Variants in THOC5 observed in about 807,000 individuals in gnomAD.
THOC5 encodes the protein Fms-interacting protein.
THOC5 carries 43 observed loss-of-function variants against 92.9 expected under a neutral mutation model. That is an observed-to-expected ratio of 0.46 (90% CI 0.36 to 0.60). The LOEUF (loss-of-function observed/expected upper bound fraction) is 0.60, where lower values mean the gene tolerates loss of function less well. Ranked by LOEUF, THOC5 falls within the 20% of genes least tolerant of loss-of-function variation. The pLI is 0.00. For synonymous variants in THOC5, 296 were observed against 320.1 expected, an observed-to-expected ratio of 0.92 and a Z score of 0.80; for missense variants, 659 against 849.4, an observed-to-expected ratio of 0.78 and a Z score of 2.79.
At chr22:29,513,736 G>A (rs956225354) in intron 17 of THOC5, among the ~76,000 whole-genome samples, 2 of 152,016 alleles carry the variant, frequency 1.3e-5, no homozygotes, top group South Asian at 2.1e-4. Context: ...CGTGGCTCAC[G>A]CCTGTAATCC....
chr22:29,513,931 G>A (rs956193695), intron 17 of THOC5: 2 of 151,188 alleles, frequency 1.3e-5, no homozygotes, highest in Non-Finnish European at 2.9e-5. Context: ...ATACATTTCT[G>A]GATTTATCTC....
intron 11 of THOC5, among the ~76,000 whole-genome samples, chr22:29,527,086 T>A (rs531235434): frequency 1.1e-4 from 17 of 152,242 alleles, no homozygotes; most frequent in Admixed American, 3.3e-4. Context: ...GAAGAGTATA[T>A]AGGAACTCAT....
chr22:29,510,840 A>C (rs141628285), intron 19 of THOC5, among the ~76,000 whole-genome samples: 8 of 152,336 alleles, frequency 5.3e-5, no homozygotes, highest in African/African-American at 1.9e-4. Context: ...CAGTTTAAAA[A>C]GCTTATTTGG....
chr22:29,517,943 G>A (rs6006181), intron 15 of THOC5, among the ~76,000 whole-genome samples: 14 of 152,354 alleles, frequency 9.2e-5, no homozygotes, highest in South Asian at 6.2e-4. Context: ...TGGAGAGATC[G>A]GCAGCCATGT....
intron 1 of THOC5, among the ~76,000 whole-genome samples, chr22:29,551,938 G>A (rs934257256): frequency 2.0e-5 from 3 of 152,156 alleles, no homozygotes; most frequent in South Asian, 2.1e-4. Context: ...GGCGCGCGCC[G>A]CCACGCCTGA....
At chr22:29,548,987 C>G in intron 2 of THOC5, 65 bp downstream of exon 2, 5 of 1,538,224 alleles carry the variant, frequency 3.3e-6, no homozygotes, top group African/African-American at 2.7e-5. Flanking sequence ...GCTGCAAACA[C>G]ACAGCCAGGT....
intron 12 of THOC5, among the ~76,000 whole-genome samples, chr22:29,525,446 A>G (rs182499452): frequency 1.2e-4 from 18 of 152,230 alleles, no homozygotes; most frequent in Admixed American, 7.2e-4. Flanking sequence ...GCTGGGGAGC[A>G]AAAATCCCAG....
At chr22:29,551,492 C>A (rs1357871319) in intron 1 of THOC5, among the ~76,000 whole-genome samples, 3 of 152,116 alleles carry the variant, frequency 2.0e-5, no homozygotes, top group East Asian at 3.9e-4. Context: ...GTAATCCCAA[C>A]ACTTTGGGAA....
chr22:29,547,000 C>T (rs2064035559), intron 2 of THOC5, among the ~76,000 whole-genome samples: 1 of 151,826 alleles, frequency 6.6e-6, no homozygotes, highest in South Asian at 2.1e-4. Flanking sequence ...ACCACCATGT[C>T]TGGCTAATTT....
intron 3 of THOC5, 43 bp downstream of exon 3, chr22:29,544,417 T>A: frequency 1.9e-6 from 3 of 1,599,104 alleles, no homozygotes; most frequent in Non-Finnish European, 2.6e-6. Context: ...GCCTCATCTA[T>A]GTAAACCCAC....
rs139476051 is a variant in THOC5 at position 29,512,035 on chromosome 22, C to T, written c.1783G>A (p.Asp595Asn). The change falls in exon 18 of 20, where the codon GAT becomes AAT. Residue 595 changes from aspartate (D) to asparagine (N), a missense_variant. Physicochemically the swap from Asp to Asn is conservative, Grantham distance 23. Coordinates refer to ENST00000490103, the MANE Select transcript of THOC5 (RefSeq NM_003678.5). ...CTGGGTCTTACCCGAATGTTGTCAT[C>T]GTTGCTGTTGGTTTTCTCCCCTTTC... ...NWKGEKTNSN[D>N]DNIRAMEGEV... is the part of the protein sequence containing the mutation. 1.1e-4 allele frequency: 170 copies of T among 1,614,010 alleles called. No homozygotes were observed. The highest frequency in any genetic ancestry group is 1.1e-4 in the Non-Finnish European group (129 of 1,179,918).
chr22:29,518,960 G>T, intron 15 of THOC5, 46 bp downstream of exon 15: 2 of 1,191,272 alleles, frequency 1.7e-6, no homozygotes, highest in Non-Finnish European at 2.4e-6. Flanking sequence ...TGTTGTCCGT[G>T]TGTTGTCTGA....
Position 29,539,397 on chromosome 22 carries a change from C to T in THOC5, c.532G>A (p.Val178Ile). The change falls in exon 6 of 20, where the codon GTC (valine) becomes ATC (isoleucine). Residue 178 changes from valine to isoleucine, a missense_variant. By Grantham distance (29) the Val-to-Ile change is conservative. Coordinates refer to ENST00000490103, the MANE Select transcript of THOC5 (RefSeq NM_003678.5). Reference protein sequence around the residue: ...EAPPDISKAEVTMGDPHQQTL... With the variant: ...EAPPDISKAEITMGDPHQQTL... ...TGCTGGTGAGGGTCTCCCATGGTGA[C>T]TTCGGCCTTGCTGATATCTGGTGGA... 2 of 1,614,108 alleles carry T rather than the reference C, an allele frequency of 1.2e-6. No individual in the cohort carries two copies. Among genetic ancestry groups the T allele is most frequent in the Non-Finnish European group, 1.7e-6 (2 of 1,179,978 alleles).
chr22:29,520,040 C>A lies in THOC5; in HGVS notation c.1342G>T (p.Gly448Cys). Residue 448 changes from glycine (G) to cysteine (C), a missense_variant, in exon 14 of 20, where the codon GGT (glycine) becomes TGT (cysteine). Transcript: ENST00000490103. ...TGCTCTTTGGGGAAGTGGAGGCCAC[C>A]CAGCTTCTGCACCCACAAATAGGGG... is the stretch of plus-strand genomic sequence containing the variant. ...GHPYLWVQKL[G>C]GLHFPKEQPQ... 1 of 1,613,718 alleles carries A rather than the reference C, an allele frequency of 6.2e-7. No homozygotes were observed. Among genetic ancestry groups the A allele is most frequent in the Non-Finnish European group, 8.5e-7 (1 of 1,179,840 alleles).
intron 7 of THOC5, among the ~76,000 whole-genome samples, chr22:29,533,261 T>C (rs2063691126): frequency 6.6e-6 from 1 of 152,210 alleles, no homozygotes; most frequent in African/African-American, 2.4e-5. Context: ...GTTGGAACTG[T>C]GCATCGAGAC....
chr22:29,510,763 T>A (rs1331765428), intron 19 of THOC5, among the ~76,000 whole-genome samples: 1 of 152,164 alleles, frequency 6.6e-6, no homozygotes, highest in African/African-American at 2.4e-5. Context: ...AAGCTGTGAT[T>A]CTCACTGACA....
At chr22:29,546,870 T>G (rs1601461556) in intron 2 of THOC5, among the ~76,000 whole-genome samples, 1 of 151,558 alleles carries the variant, frequency 6.6e-6, no homozygotes, top group Non-Finnish European at 1.5e-5. Flanking sequence ...GACAAGGTCT[T>G]GCTCTTGTTG....
intron 5 of THOC5, among the ~76,000 whole-genome samples, chr22:29,540,469 T>C (rs1385897709): frequency 1.3e-5 from 2 of 152,098 alleles, no homozygotes; most frequent in African/African-American, 2.4e-5. Context: ...GAGGCTTCTA[T>C]CAGTAAGCAG....
chr22:29,511,008 T>G (rs1191114601), intron 19 of THOC5, 98 bp downstream of exon 19: 4 of 1,362,454 alleles, frequency 2.9e-6, no homozygotes, highest in African/African-American at 1.4e-5. Context: ...CAGGGGAAGT[T>G]TCAGGAAGGA....
Sources: gnomAD v4.1 joint callset for allele counts (sites outside exome capture counted in the v4.1 genomes callset) on GRCh38, gnomAD v4.1.1 for gene constraint, MANE v1.5 for transcripts, NCBI Gene and HGNC (gene_info 2026-07-23, HGNC 2026-07-21) for gene names.